The following CHN2 variants were observed in gnomAD, a reference collection of about 807,000 sequenced individuals.
CHN2 encodes the protein beta-chimaerin.
CHN2 carries 35 observed loss-of-function variants against 56.3 expected under a neutral mutation model. The ratio of observed to expected loss-of-function variants is 0.62; its 90% confidence interval spans 0.47 to 0.82. The LOEUF (loss-of-function observed/expected upper bound fraction) is 0.82. Among genes scored for constraint, CHN2 ranks in the 40% least tolerant of loss-of-function variants. The pLI, the probability that CHN2 is intolerant of heterozygous loss-of-function variation, is 0.00. For synonymous variants in CHN2, 210 were observed against 212.8 expected (o/e 0.99, Z 0.12); for missense variants, 491 against 580.5 (o/e 0.85, Z 1.58).
chr7:29,234,971 C>T (rs1032317070), intron 1 of CHN2, among the ~76,000 whole-genome samples: 1 of 152,112 alleles, frequency 6.6e-6, no homozygotes, highest in Non-Finnish European at 1.5e-5. Flanking sequence ...TCTACTGGTA[C>T]AGTTCTATTA....
intron 1 of CHN2, among the ~76,000 whole-genome samples, chr7:29,275,307 G>A (rs1347651125): frequency 6.6e-6 from 1 of 152,142 alleles, no homozygotes; most frequent in East Asian, 1.9e-4. Context: ...TGCAAAGTAG[G>A]ATTTTCCAGG....
chr7:29,353,243 A>G (rs961031137), intron 1 of CHN2, among the ~76,000 whole-genome samples: 5 of 152,350 alleles, frequency 3.3e-5, no homozygotes, highest in Admixed American at 2.0e-4. Context: ...AAGCTGCACA[A>G]GTGAGTATGA....
At chr7:29,234,514 G>A (rs1787029070) in intron 1 of CHN2, among the ~76,000 whole-genome samples, 1 of 152,228 alleles carries the variant, frequency 6.6e-6, no homozygotes, top group African/African-American at 2.4e-5. Flanking sequence ...ATTTTTAAAG[G>A]CTCAGTCAGT....
intron 3 of CHN2, among the ~76,000 whole-genome samples, chr7:29,378,959 G>A (rs1023420022): frequency 1.2e-4 from 19 of 152,188 alleles, no homozygotes; most frequent in African/African-American, 2.7e-4. Flanking sequence ...GCGAGACTCC[G>A]TCTCGAAAGA....
At chr7:29,238,095 G>T (rs1787343445) in intron 1 of CHN2, among the ~76,000 whole-genome samples, 1 of 143,688 alleles carries the variant, frequency 7.0e-6, no homozygotes, top group South Asian at 2.2e-4. Context: ...TCGGCTTGCT[G>T]CAACCTCCAC....
intron 6 of CHN2, among the ~76,000 whole-genome samples, chr7:29,421,528 A>G (rs551456277): frequency 4.0e-4 from 61 of 152,302 alleles, no homozygotes; most frequent in African/African-American, 1.3e-3. Flanking sequence ...AGAAGTGACT[A>G]TTGGGACAAC....
chr7:29,169,880 G>GTGTA lies in CHN2; in HGVS notation c.274+22921_274+22922insGTAT, dbSNP rs148266761. Among the ~76,000 whole-genome samples the GTGTA allele has an allele frequency of 1.5e-3, 224 of 150,026 alleles. 1 individual carries two copies. Among genetic ancestry groups the GTGTA allele is most frequent in the African/African-American group, 5.0e-3 (204 of 40,454 alleles). ...TATATACGTGTGTGTGTGTGTGTGT[G>GTGTA]TATATATATATGTATATACAGGTTG... On this transcript the variant is annotated intron_variant, in intron 2 of 6. Coordinates refer to the CHN2 transcript ENST00000439384.
At chr7:29,295,428 G>C (rs1009152028) in intron 1 of CHN2, among the ~76,000 whole-genome samples, 1 of 150,970 alleles carries the variant, frequency 6.6e-6, no homozygotes, top group Non-Finnish European at 1.5e-5. Flanking sequence ...GGACACTAAA[G>C]GCACTCAGAA....
chr7:29,304,344 G>GA (rs1373610860), intron 1 of CHN2, among the ~76,000 whole-genome samples: 1 of 152,106 alleles, frequency 6.6e-6, no homozygotes, highest in Non-Finnish European at 1.5e-5. Flanking sequence ...TGAGAGTTAA[G>GA]AAACCAAAAA....
intron 1 of CHN2, among the ~76,000 whole-genome samples, chr7:29,268,216 A>T (rs1051670029): frequency 6.6e-6 from 1 of 150,932 alleles, no homozygotes; most frequent in African/African-American, 2.4e-5. Context: ...GAGGAAGTGT[A>T]AATTGTTAGT....
At chr7:29,444,756 G>A (rs1477651719) in intron 6 of CHN2, among the ~76,000 whole-genome samples, 2 of 152,196 alleles carry the variant, frequency 1.3e-5, no homozygotes, top group Non-Finnish European at 2.9e-5. Context: ...CCAGAGATGA[G>A]AGGAATTTTT....
At chr7:29,164,807 A>G (rs978144474) in intron 2 of CHN2, among the ~76,000 whole-genome samples, 3 of 148,812 alleles carry the variant, frequency 2.0e-5, no homozygotes, top group Non-Finnish European at 3.0e-5. Context: ...AAAAACAAAG[A>G]TTATTATTTC....
chr7:29,479,853 G>A, intron 6 of CHN2: 1 of 1,345,900 alleles, frequency 7.4e-7, no homozygotes, highest in African/African-American at 1.5e-5. Context: ...GGGTTGCTGT[G>A]CACATGAATG....
At chr7:29,212,168 C>T in intron 1 of CHN2, 1 of 590,516 alleles carries the variant, frequency 1.7e-6, no homozygotes, top group Non-Finnish European at 3.0e-6. Context: ...CAACTCACTT[C>T]ATCCCAACTT....
At chr7:29,226,064 C>T (rs1198414417) in intron 1 of CHN2, among the ~76,000 whole-genome samples, 3 of 151,958 alleles carry the variant, frequency 2.0e-5, no homozygotes, top group South Asian at 2.1e-4. Context: ...GCAAGGGAGA[C>T]GTATTAAATA....
chr7:29,164,779 C>CAA (rs55742522), intron 2 of CHN2, among the ~76,000 whole-genome samples: 1,746 of 85,690 alleles, frequency 0.02, 31 homozygotes, highest in African/African-American at 0.061. Flanking sequence ...AGACCTGTCT[C>CAA]AAAAAAAAAA....
intron 9 of CHN2, among the ~76,000 whole-genome samples, chr7:29,504,365 A>T (rs1476680154): frequency 6.6e-6 from 1 of 152,232 alleles, no homozygotes; most frequent in Non-Finnish European, 1.5e-5. Flanking sequence ...AAAAATTAAT[A>T]AAGATGATGC....
intron 6 of CHN2, among the ~76,000 whole-genome samples, chr7:29,434,767 C>T (rs1404818000): frequency 6.6e-6 from 1 of 152,176 alleles, no homozygotes. Flanking sequence ...TAGTTCTTTC[C>T]TTCAGAAACT....
chr7:29,474,190 C>G (rs1369073850), intron 6 of CHN2, among the ~76,000 whole-genome samples: 1 of 152,180 alleles, frequency 6.6e-6, no homozygotes, highest in Non-Finnish European at 1.5e-5. Context: ...ATACCAGAGG[C>G]AAATCTTCTC....
Sources: allele counts gnomAD v4.1 joint callset (sites outside exome capture counted in the v4.1 genomes callset), GRCh38; gene constraint gnomAD v4.1.1; transcripts MANE v1.5; gene names NCBI Gene and HGNC (gene_info 2026-07-23, HGNC 2026-07-21).